ZSWIM9: variants seen among roughly 807,000 people sequenced by gnomAD.
ZSWIM9 encodes the protein zinc finger SWIM-type containing 9, also known as uncharacterized protein ZSWIM9.
ZSWIM9 carries 11 observed loss-of-function variants against 25.0 expected under a neutral mutation model. That is an observed-to-expected ratio of 0.44 (90% CI 0.28 to 0.73). The LOEUF is 0.73. Among genes scored for constraint, ZSWIM9 ranks in the 30% least tolerant of loss-of-function variants. ZSWIM9 has a pLI of 0.16. For missense variants in ZSWIM9, 1,070 were observed against 1,296.5 expected (o/e 0.83, Z 2.68); for synonymous variants, 562 against 582.1 (o/e 0.97, Z 0.50).
At position 48,189,252 on chromosome 19, in the gene ZSWIM9, C is replaced by T. The variant is rs113848606; in HGVS notation, c.589-5401C>T. Among the ~76,000 whole-genome samples, 31 of 152,244 alleles carry T rather than the reference C, an allele frequency of 2.0e-4. 1 individual carries two copies. The highest frequency in any genetic ancestry group is 7.2e-4 in the African/African-American group (30 of 41,542). On this transcript the variant is annotated intron_variant, in intron 3 of 3. Transcript: ENST00000614654. Reference sequence around the variant, plus strand: ...TTAGAAACAACCCAGACTCCACCAACGGGTAATGGTTACATAACTTGTGGT... The same window carrying T: ...TTAGAAACAACCCAGACTCCACCAATGGGTAATGGTTACATAACTTGTGGT...
intron 2 of ZSWIM9, among the ~76,000 whole-genome samples, chr19:48,176,598 A>G (rs188977697): frequency 4.0e-5 from 6 of 151,712 alleles, no homozygotes; most frequent in African/African-American, 1.2e-4. Flanking sequence ...CAATCATTCA[A>G]CCCTCAGTGT....
At chr19:48,191,221 T>C (rs2037091321) in intron 3 of ZSWIM9, among the ~76,000 whole-genome samples, 1 of 152,046 alleles carries the variant, frequency 6.6e-6, no homozygotes, top group East Asian at 1.9e-4. Context: ...GTTTGTTTTT[T>C]TGAGATGGAG....
chr19:48,192,476 A>ATGT lies in ZSWIM9; in HGVS notation c.589-2177_589-2176insTGT, dbSNP rs1568582386. Among the ~76,000 whole-genome samples, 85 of 22,560 alleles carry ATGT rather than the reference A, an allele frequency of 3.8e-3. 7 individuals are homozygous for ATGT. Among genetic ancestry groups the ATGT allele is most frequent in the East Asian group, 7.3e-3 (4 of 548 alleles). 14.8% of individuals were successfully genotyped at this position (22,560 alleles called of 152,430 possible). A position where few individuals can be genotyped will look rare whatever the true frequency, so the allele number is the denominator to read the frequency against. On this transcript the variant is annotated intron_variant, in intron 3 of 3. Coordinates refer to ENST00000614654, the MANE Select transcript of ZSWIM9 (RefSeq NM_199341.4). The stretch of plus-strand genomic sequence containing the variant: ...AAAAAAAAAAAAAAAAAAAAAAAAA[A>ATGT]AAAAATATATATATATATATATACA...
chr19:48,172,066 G>A lies in ZSWIM9; in HGVS notation c.264G>A (p.Arg88=), dbSNP rs1403544312. Reference sequence around the variant, plus strand: ...GCAAGGACGTGCGTGCGCCCAGCCGGCCCGCCGTGGGGTGCGTGAACCTGA... The same window carrying A: ...GCAAGGACGTGCGTGCGCCCAGCCGACCCGCCGTGGGGTGCGTGAACCTGA... The part of the protein sequence containing the change: ...LVCKDVRAPS[R]PAVGPPQPGC... Residue 88 remains arginine, a synonymous_variant, in exon 2 of 4, where the codon CGG becomes CGA. Coordinates refer to ENST00000614654, the MANE Select transcript of ZSWIM9 (RefSeq NM_199341.4). 5 of 1,376,872 alleles carry A rather than the reference G, an allele frequency of 3.6e-6. No individual in the cohort carries two copies. Among genetic ancestry groups the A allele is most frequent in the East Asian group, 7.4e-5 (2 of 27,002 alleles). 85.3% of individuals were successfully genotyped at this position (1,376,872 alleles called of 1,614,324 possible). A position where few individuals can be genotyped will look rare whatever the true frequency, so the allele number is the denominator to read the frequency against.
chr19:48,171,039 G>T (rs1022323454), intron 1 of ZSWIM9, among the ~76,000 whole-genome samples: 1 of 152,158 alleles, frequency 6.6e-6, no homozygotes, highest in Non-Finnish European at 1.5e-5. Flanking sequence ...GTGAATACTG[G>T]TGACACTTCC....
chr19:48,175,599 G>A (rs1266509211), intron 2 of ZSWIM9, among the ~76,000 whole-genome samples: 1 of 152,114 alleles, frequency 6.6e-6, no homozygotes, highest in African/African-American at 2.4e-5. Context: ...GTCAGTTCTG[G>A]GTGGAGGAAG....
chr19:48,192,472 A>T (rs1174569095), intron 3 of ZSWIM9, among the ~76,000 whole-genome samples: 4,594 of 23,762 alleles, frequency 0.19, 622 homozygotes, highest in Non-Finnish European at 0.26. Flanking sequence ...AAAAAAAAAA[A>T]AAAAAAAAAT....
rs201801060 is a variant in ZSWIM9, at chr19:48,181,956, GA to G, written c.276-498del. 9.4e-3 allele frequency: 1,449 copies of G among 153,802 alleles called. 19 individuals are homozygous for G. Among genetic ancestry groups the G allele is most frequent in the African/African-American group, 0.033 (1,372 of 41,578 alleles). The allele number at this position is 153,802 out of a possible 1,614,324, so 9.5% of individuals were successfully genotyped here. A position where few individuals can be genotyped will look rare whatever the true frequency, so the allele number is the denominator to read the frequency against. Reference sequence around the variant, plus strand: ...AATTTTGATAGTGGCTGCCTCTGGGGACAGAGGGAAGGAAGATAATCTGTTA... The same window carrying G: ...AATTTTGATAGTGGCTGCCTCTGGGGCAGAGGGAAGGAAGATAATCTGTTA... On this transcript the variant is annotated intron_variant, in intron 2 of 3. Coordinates refer to ENST00000614654, the MANE Select transcript of ZSWIM9 (RefSeq NM_199341.4).
intron 2 of ZSWIM9, among the ~76,000 whole-genome samples, chr19:48,175,677 C>T (rs1234965428): frequency 6.6e-6 from 1 of 152,014 alleles, no homozygotes; most frequent in Non-Finnish European, 1.5e-5. Flanking sequence ...GAGGCTGGGG[C>T]TGAGGGTGCA....
Position 48,183,022 on chromosome 19 carries a change from G to A in ZSWIM9, c.588+255G>A, listed in dbSNP as rs1004686394. The A allele has an allele frequency of 7.1e-5, 35 of 495,542 alleles. 1 individual carries two copies. Among genetic ancestry groups the A allele is most frequent in the East Asian group, 2.1e-4 (6 of 28,578 alleles). 30.7% of individuals were successfully genotyped at this position (495,542 alleles called of 1,614,324 possible). A position where few individuals can be genotyped will look rare whatever the true frequency, so the allele number is the denominator to read the frequency against. On this transcript the variant is annotated intron_variant, in intron 3 of 3. Coordinates refer to ENST00000614654, the MANE Select transcript of ZSWIM9 (RefSeq NM_199341.4). ...TAGAACTTTCTTCCAGGATGGAAAC[G>A]TTCTGTGATTCTGCACCCCCAGCCA...
intron 3 of ZSWIM9, chr19:48,192,919 C>G (rs1346337020): frequency 6.5e-6 from 1 of 154,270 alleles, no homozygotes; most frequent in Non-Finnish European, 1.5e-5. Flanking sequence ...GCATGAGCTG[C>G]CAGATGTCGT....
intron 2 of ZSWIM9, among the ~76,000 whole-genome samples, chr19:48,179,619 T>C (rs2036927487): frequency 1.3e-5 from 2 of 152,250 alleles, no homozygotes; most frequent in South Asian, 4.2e-4. Flanking sequence ...GTATCACACG[T>C]TGGGGTGATT....
At chr19:48,191,639 G>A (rs987968862) in intron 3 of ZSWIM9, among the ~76,000 whole-genome samples, 3 of 152,182 alleles carry the variant, frequency 2.0e-5, no homozygotes, top group African/African-American at 7.2e-5. Context: ...AAGTAGTAAA[G>A]GCATGGTTTC....
At chr19:48,192,034 G>A (rs1464341519) in intron 3 of ZSWIM9, 1 of 154,722 alleles carries the variant, frequency 6.5e-6, no homozygotes, top group Non-Finnish European at 1.5e-5. Context: ...GATATTGTAA[G>A]GATGAAAGAT....
chr19:48,195,246 C>T lies in ZSWIM9; in HGVS notation c.1182C>T (p.Phe394=), dbSNP rs1364960235. ...ACATGTGGGTCCGCTTCCGCGCCTT[C>T]GAGGCGGCCAGAGACCTGGACGCGT... The part of the protein sequence containing the change: ...RRDMWVRFRA[F]EAARDLDACA... Residue 394 remains phenylalanine (F), a synonymous_variant, in exon 4 of 4, where the codon TTC becomes TTT. Transcript: ENST00000614654. This position sits in a 1 kb window ranked among gnomAD's most constrained non-coding sequence, Gnocchi z 5.8. 8 of 1,529,466 alleles carry T rather than the reference C, an allele frequency of 5.2e-6. No individual in the cohort carries two copies. Among genetic ancestry groups the T allele is most frequent in the Non-Finnish European group, 5.2e-6 (6 of 1,143,362 alleles). The allele number at this position is 1,529,466 out of a possible 1,614,324, so 94.7% of individuals were successfully genotyped here.
In ZSWIM9 at chr19:48,197,423, A is replaced by C. The variant is rs1031167779; in HGVS notation, c.*596A>C. ...GAAAAATCGGAGATGAGACAAAAGA[A>C]ATGTGTGGGAGACGGGTAGAGACGA... On this transcript the variant is annotated 3_prime_UTR_variant, in exon 4 of 4. Transcript: ENST00000614654. 1.3e-5 allele frequency: 8 copies of C among 620,614 alleles called. No homozygotes were observed. The highest frequency in any genetic ancestry group is 3.7e-5 in the African/African-American group (2 of 54,344). The allele number at this position is 620,614 out of a possible 1,614,324, so 38.4% of individuals were successfully genotyped here.
rs529493905 is a variant in ZSWIM9, at chr19:48,187,985, T to TAGACAGACAGAC, written c.588+5221_588+5232dup. On this transcript the variant is annotated intron_variant, in intron 3 of 3. Transcript: ENST00000614654. ...ATAGATAGATAGATAGATAGATAGA[T>TAGACAGACAGAC]AGACAGACAGACAGCAAGCTTTAAA... Among the ~76,000 whole-genome samples, 321 of 146,378 alleles carry TAGACAGACAGAC rather than the reference T, an allele frequency of 2.2e-3. 2 individuals are homozygous for TAGACAGACAGAC. The highest frequency in any genetic ancestry group is 7.2e-3 in the African/African-American group (280 of 39,148).
At chr19:48,170,880 G>T (rs887598344) in intron 1 of ZSWIM9, among the ~76,000 whole-genome samples, 166 bp downstream of exon 1, 14 of 152,078 alleles carry the variant, frequency 9.2e-5, no homozygotes, top group African/African-American at 3.1e-4. Flanking sequence ...AGCTGGACGT[G>T]GGGGGAGCAT....
intron 3 of ZSWIM9, among the ~76,000 whole-genome samples, chr19:48,184,793 G>C (rs2036991567): frequency 6.6e-6 from 1 of 152,132 alleles, no homozygotes; most frequent in South Asian, 2.1e-4. Flanking sequence ...CAAGTAACTG[G>C]CTCAAAGTCA....
Sources: allele counts gnomAD v4.1 joint callset (sites outside exome capture counted in the v4.1 genomes callset), GRCh38; gene constraint gnomAD v4.1.1; non-coding constraint Gnocchi (gnomAD v3.1); transcripts MANE v1.5; gene names NCBI Gene and HGNC (gene_info 2026-07-23, HGNC 2026-07-21).